EYS: variants seen among roughly 807,000 people sequenced by gnomAD.
EYS encodes protein eyes shut homolog.
Under a neutral mutation model 282.1 loss-of-function variants are expected in EYS, and 250 were observed. The observed-to-expected ratio is 0.89, with a 90% CI of 0.80 to 0.98. EYS has a LOEUF of 0.98. EYS is among the 50% of genes least tolerant of loss of function. EYS has a pLI of 0.00. For synonymous variants in EYS, 1,355 were observed against 1,282.9 expected, an observed-to-expected ratio of 1.06 and a Z score of -1.20; for missense variants, 4,016 against 3,709.0, an observed-to-expected ratio of 1.08 and a Z score of -2.15.
chr6:64,679,021 T>A (rs1769803205), intron 22 of EYS, among the ~76,000 whole-genome samples: 2 of 152,094 alleles, frequency 1.3e-5, no homozygotes, highest in Admixed American at 1.3e-4. Context: ...TAAAATGTGT[T>A]CAATATGTTA....
chr6:64,176,850 C>G lies in EYS; in HGVS notation c.6424+53742G>C, dbSNP rs994588758. 9.9e-5 allele frequency among the ~76,000 whole-genome samples: 15 copies of G among 151,910 alleles called. No homozygotes were observed. The East Asian group carries it at 1.9e-3, about 20-fold the overall frequency. On this transcript the variant is annotated intron_variant, in intron 31 of 42. Transcript: ENST00000503581. ...ATAAAGAAATTTAAACTTTAAGGACCGTTATTGAAAAAGATTAAATAAATG... is the reference window on the plus strand; with the variant it reads ...ATAAAGAAATTTAAACTTTAAGGACGGTTATTGAAAAAGATTAAATAAATG...
chr6:65,055,487 A>G (rs1773386209), intron 13 of EYS, among the ~76,000 whole-genome samples: 1 of 152,100 alleles, frequency 6.6e-6, no homozygotes, highest in Non-Finnish European at 1.5e-5. Flanking sequence ...TATTGATGTT[A>G]TTAACTAATG....
intron 12 of EYS, among the ~76,000 whole-genome samples, chr6:65,156,889 A>G (rs886864807): frequency 5.3e-5 from 8 of 150,974 alleles, no homozygotes; most frequent in African/African-American, 1.9e-4. Context: ...TATCCCTCTG[A>G]CAAATTGGCA....
intron 30 of EYS, among the ~76,000 whole-genome samples, chr6:64,290,495 T>A (rs2150365388): frequency 6.6e-6 from 1 of 152,246 alleles, no homozygotes; most frequent in South Asian, 2.1e-4. Flanking sequence ...TTGTATAATC[T>A]TCACTGATGT....
At position 65,443,551 on chromosome 6, in the gene EYS, C is replaced by T. The variant is rs546041074; in HGVS notation, c.863-38184G>A. On this transcript the variant is annotated intron_variant, in intron 5 of 42. Coordinates refer to ENST00000503581, the MANE Select transcript of EYS (RefSeq NM_001142800.2). ...TACATATACTTATGGACACATGATA[C>T]GCATACATGTATACACACATATGTG... Among the ~76,000 whole-genome samples, 15 of 150,420 alleles carry T rather than the reference C, an allele frequency of 1.0e-4. 1 individual carries two copies. The highest frequency in any genetic ancestry group is 3.0e-4 in the African/African-American group (12 of 40,646).
At position 64,147,354 on chromosome 6, in the gene EYS, G is replaced by A. The variant is rs145258336; in HGVS notation, c.6425-65352C>T. Among the ~76,000 whole-genome samples, 312 of 152,236 alleles carry A rather than the reference G, an allele frequency of 2.0e-3. 1 individual carries two copies. Among genetic ancestry groups the A allele is most frequent in the Non-Finnish European group, 5.1e-4 (35 of 68,006 alleles). On this transcript the variant is annotated intron_variant, in intron 31 of 42. Coordinates refer to ENST00000503581, the MANE Select transcript of EYS (RefSeq NM_001142800.2). ...ATTGTGTTGTAAACCCAAATAAAAT[G>A]TAGTTACCAATATCATGTCAGATAA...
intron 31 of EYS, among the ~76,000 whole-genome samples, chr6:64,183,109 G>A (rs751982268): frequency 2.1e-4 from 32 of 152,012 alleles, no homozygotes; most frequent in Non-Finnish European, 3.5e-4. Context: ...GTTTTATAAG[G>A]GGCTTCCCTC....
rs189888703 is a variant in EYS at position 65,005,384 on chromosome 6, G to A, written c.2138-7681C>T. Among the ~76,000 whole-genome samples the A allele has an allele frequency of 2.1e-3, 313 of 147,432 alleles. 15 individuals carry two copies. The highest frequency in any genetic ancestry group is 7.1e-3 in the African/African-American group (294 of 41,206). ...CGCATGGCCCAAGATTCCATTCCTC[G>A]GAATCCGTGAGGCCAAGAGCCCCAG... On this transcript the variant is annotated intron_variant, in intron 13 of 42. Transcript: ENST00000503581.
chr6:64,985,896 C>T (rs772692699), intron 14 of EYS, among the ~76,000 whole-genome samples: 1 of 151,414 alleles, frequency 6.6e-6, no homozygotes, highest in Non-Finnish European at 1.5e-5. Flanking sequence ...TATGCCTGTT[C>T]TGCCACAACT....
chr6:64,734,415 T>C (rs989775903), intron 22 of EYS, among the ~76,000 whole-genome samples: 1 of 152,334 alleles, frequency 6.6e-6, no homozygotes, highest in African/African-American at 2.4e-5. Flanking sequence ...ATCTGGCATA[T>C]GCAATAGGCA....
chr6:65,360,361 A>ATATTATTTAAATAAAAAAATTAGCAT (rs1764656580), intron 8 of EYS, among the ~76,000 whole-genome samples: 1 of 151,952 alleles, frequency 6.6e-6, no homozygotes, highest in Admixed American at 6.6e-5. Context: ...AATAGTAATT[A>ATATTATTTAAATAAAAAAATTAGCAT]TATTATTTAA....
intron 29 of EYS, among the ~76,000 whole-genome samples, chr6:64,354,316 G>A (rs928983673): frequency 1.3e-5 from 2 of 151,472 alleles, no homozygotes; most frequent in African/African-American, 4.8e-5. Flanking sequence ...TTTCTGCAAA[G>A]CCAAAAAATT....
At chr6:63,739,297 T>A (rs928151654) in intron 41 of EYS, among the ~76,000 whole-genome samples, 1 of 152,012 alleles carries the variant, frequency 6.6e-6, no homozygotes, top group Non-Finnish European at 1.5e-5. Flanking sequence ...GGAAGCAACA[T>A]GTGTGAGGGA....
chr6:64,714,982 G>C (rs1771338452), intron 22 of EYS, among the ~76,000 whole-genome samples: 1 of 151,640 alleles, frequency 6.6e-6, no homozygotes. Flanking sequence ...GTGTTAATAT[G>C]TAGGTGACCA....
At chr6:63,956,572 A>G (rs540377082) in intron 35 of EYS, among the ~76,000 whole-genome samples, 47 of 152,296 alleles carry the variant, frequency 3.1e-4, no homozygotes, top group East Asian at 3.9e-4. Flanking sequence ...TGGGTATTTA[A>G]AGCATTATTT....
At chr6:64,026,478 G>GC (rs1562159925) in intron 33 of EYS, among the ~76,000 whole-genome samples, 2 of 152,242 alleles carry the variant, frequency 1.3e-5, no homozygotes, top group East Asian at 3.9e-4. Flanking sequence ...CTATGACTTG[G>GC]CCCCAATATT....
At chr6:64,910,321 C>T (rs1453252519) in intron 16 of EYS, among the ~76,000 whole-genome samples, 3 of 152,064 alleles carry the variant, frequency 2.0e-5, no homozygotes, top group Non-Finnish European at 2.9e-5. Context: ...TAAAATGTTG[C>T]ATAGTCAACT....
Position 65,155,348 on chromosome 6 carries a change from G to A in EYS, c.2024-97621C>T, listed in dbSNP as rs533022924. Among the ~76,000 whole-genome samples the A allele has an allele frequency of 3.3e-5, 5 of 151,538 alleles. No homozygotes were observed. The East Asian group carries it at 9.8e-4, about 30-fold the overall frequency. On this transcript the variant is annotated intron_variant, in intron 12 of 42. Coordinates refer to ENST00000503581, the MANE Select transcript of EYS (RefSeq NM_001142800.2). Reference sequence around the variant, plus strand: ...AAGGGCTGTCGTGCCCACACCAAGAGCTTTGCCACCCAACATGTACCATTA... The same window carrying A: ...AAGGGCTGTCGTGCCCACACCAAGAACTTTGCCACCCAACATGTACCATTA...
intron 11 of EYS, among the ~76,000 whole-genome samples, chr6:65,309,910 T>A: frequency 6.6e-6 from 1 of 152,212 alleles, no homozygotes; most frequent in Non-Finnish European, 1.5e-5. Flanking sequence ...GCCTCCAGTC[T>A]ACTTCTACTT....
Sources: allele counts gnomAD v4.1 joint callset (sites outside exome capture counted in the v4.1 genomes callset), GRCh38; gene constraint gnomAD v4.1.1; transcripts MANE v1.5; gene names NCBI Gene and HGNC (gene_info 2026-07-23, HGNC 2026-07-21).